Variants in CRTAC1 observed in about 807,000 individuals in gnomAD.
The protein encoded by CRTAC1 is cartilage acidic protein 1, also known as acidic secreted protein in cartilage.
CRTAC1 carries 37 observed loss-of-function variants against 67.8 expected under a neutral mutation model. The observed-to-expected ratio is 0.55, with a 90% CI of 0.42 to 0.72. CRTAC1 has a LOEUF of 0.72. Ranked by LOEUF, CRTAC1 falls within the 30% of genes least tolerant of loss-of-function variation. The probability of loss-of-function intolerance (pLI) is 0.00; values close to 1 mark genes in which losing one functional copy is unlikely to be tolerated. For synonymous variants in CRTAC1, 348 were observed against 371.0 expected, an observed-to-expected ratio of 0.94 and a Z score of 0.71; for missense variants, 780 against 931.6, an observed-to-expected ratio of 0.84 and a Z score of 2.12.
intron 1 of CRTAC1, among the ~76,000 whole-genome samples, chr10:98,023,441 C>T (rs1234583986): frequency 6.6e-6 from 1 of 152,204 alleles, no homozygotes; most frequent in Non-Finnish European, 1.5e-5. Context: ...CTCCACATGC[C>T]AAGTGCCATG....
chr10:97,998,421 G>C (rs972701555), intron 2 of CRTAC1, among the ~76,000 whole-genome samples: 5 of 152,150 alleles, frequency 3.3e-5, no homozygotes. Flanking sequence ...AACGATGAAA[G>C]AGAGAGACAA....
At chr10:97,885,655 C>T (rs1047448361) in intron 11 of CRTAC1, among the ~76,000 whole-genome samples, 4 of 152,108 alleles carry the variant, frequency 2.6e-5, no homozygotes, top group Admixed American at 6.5e-5. Context: ...GGGGAGGAGG[C>T]GGGGGCTGGG....
intron 2 of CRTAC1, among the ~76,000 whole-genome samples, chr10:97,944,069 G>T (rs1038321853): frequency 2.0e-5 from 3 of 152,226 alleles, no homozygotes; most frequent in Admixed American, 6.5e-5. Flanking sequence ...ATGTATGAAA[G>T]ATTTTAGGTC....
chr10:97,976,258 G>A (rs1345132439), intron 2 of CRTAC1, among the ~76,000 whole-genome samples: 1 of 152,198 alleles, frequency 6.6e-6, no homozygotes, highest in Admixed American at 6.5e-5. Context: ...TTAAAGTGAG[G>A]ATAATAAGAA....
intron 14 of CRTAC1, chr10:97,879,593 G>C (rs1233020369): frequency 6.8e-6 from 10 of 1,472,724 alleles, no homozygotes; most frequent in Non-Finnish European, 9.1e-6. Context: ...AACCTACTGG[G>C]CGTGGAGAGA....
chr10:97,911,576 G>C (rs1030043579), intron 5 of CRTAC1, among the ~76,000 whole-genome samples: 7 of 152,186 alleles, frequency 4.6e-5, no homozygotes, highest in Admixed American at 4.6e-4. Context: ...CTTTACAATG[G>C]GGGCCCAACG....
chr10:97,918,744 C>A (rs567328460), intron 4 of CRTAC1, among the ~76,000 whole-genome samples: 1 of 152,158 alleles, frequency 6.6e-6, no homozygotes, highest in South Asian at 2.1e-4. Context: ...ATTCTTGTTC[C>A]ACCTAACTGG....
chr10:97,976,529 T>C (rs530264257), intron 2 of CRTAC1, among the ~76,000 whole-genome samples: 8 of 152,342 alleles, frequency 5.3e-5, no homozygotes, highest in African/African-American at 1.9e-4. Flanking sequence ...AGCTAACACA[T>C]ACAAAGCACT....
chr10:97,967,681 C>G (rs1195027652), intron 2 of CRTAC1, among the ~76,000 whole-genome samples: 1 of 152,106 alleles, frequency 6.6e-6, no homozygotes, highest in East Asian at 1.9e-4. Flanking sequence ...TTAGGGGAGA[C>G]TGATTTTTAA....
At chr10:97,999,776 TC>T (rs1395931506) in intron 2 of CRTAC1, among the ~76,000 whole-genome samples, 1 of 152,106 alleles carries the variant, frequency 6.6e-6, no homozygotes, top group Admixed American at 6.5e-5. Context: ...CACTTCCTCC[TC>T]TCTGAGGCCC....
At chr10:98,015,121 A>G (rs926871193) in intron 1 of CRTAC1, among the ~76,000 whole-genome samples, 1 of 152,244 alleles carries the variant, frequency 6.6e-6, no homozygotes, top group Non-Finnish European at 1.5e-5. Context: ...AGCTTTAAAA[A>G]TGAAGGAATT....
chr10:98,019,811 C>G (rs918683417), intron 1 of CRTAC1, among the ~76,000 whole-genome samples: 1 of 152,188 alleles, frequency 6.6e-6, no homozygotes, highest in African/African-American at 2.4e-5. Context: ...GCCTGCCAGG[C>G]AGCTGCCTCT....
At position 98,030,540 on chromosome 10, in the gene CRTAC1, G is replaced by GCGCCGCCGC. The variant is rs1406678505; in HGVS notation, c.-77_-69dup. 12 of 1,125,796 alleles carry GCGCCGCCGC rather than the reference G, an allele frequency of 1.1e-5. No homozygotes were observed. The highest frequency in any genetic ancestry group is 1.4e-5 in the Non-Finnish European group (12 of 884,048). 69.7% of individuals were successfully genotyped at this position (1,125,796 alleles called of 1,614,324 possible). ...GCGCTCGCTGCCGCCTCTGCCGCCGGCGCCGCCGCCTGCTTGCTCCCAGCC... is the reference window on the plus strand; with the variant it reads ...GCGCTCGCTGCCGCCTCTGCCGCCGGCGCCGCCGCCGCCGCCGCCTGCTTGCTCCCAGCC... On this transcript the variant is annotated 5_prime_UTR_variant, in exon 1 of 15. Coordinates refer to ENST00000370597, the MANE Select transcript of CRTAC1 (RefSeq NM_018058.7). This position sits in a 1 kb window ranked among gnomAD's most constrained non-coding sequence, Gnocchi z 4.2.
rs1203406780 is a variant in CRTAC1 at position 97,960,188 on chromosome 10, C to T, written c.225-23822G>A. Among the ~76,000 whole-genome samples the T allele has an allele frequency of 9.2e-5, 14 of 152,358 alleles. 2 individuals are homozygous for T. Among genetic ancestry groups the T allele is most frequent in the Admixed American group, 5.2e-4 (8 of 15,304 alleles). Reference sequence around the variant, plus strand: ...TGCAAGCAGGTCTTTCTGGGGATAGCGGTCTCAGCCCTGGGGACAGCAGTC... The same window carrying T: ...TGCAAGCAGGTCTTTCTGGGGATAGTGGTCTCAGCCCTGGGGACAGCAGTC... On this transcript the variant is annotated intron_variant, in intron 2 of 14. Transcript: ENST00000370597.
chr10:97,881,162 T>C (rs553860457), intron 13 of CRTAC1, among the ~76,000 whole-genome samples: 110 of 152,266 alleles, frequency 7.2e-4, no homozygotes, highest in Middle Eastern at 6.8e-3. Flanking sequence ...ATCATGTCAC[T>C]CCCCAGTTTA....
intron 14 of CRTAC1, chr10:97,878,475 A>T (rs1360742594): frequency 1.6e-6 from 1 of 609,044 alleles, no homozygotes; most frequent in South Asian, 3.0e-5. Context: ...ATATGTTTTT[A>T]AAAGGGTTGC....
intron 2 of CRTAC1, among the ~76,000 whole-genome samples, chr10:97,998,315 T>C (rs1842624581): frequency 6.6e-6 from 1 of 152,110 alleles, no homozygotes; most frequent in African/African-American, 2.4e-5. Flanking sequence ...ATATTCAGAA[T>C]GATGACAGAC....
chr10:97,889,200 C>G (rs1345863526), intron 11 of CRTAC1, among the ~76,000 whole-genome samples: 1 of 151,668 alleles, frequency 6.6e-6, no homozygotes, highest in African/African-American at 2.4e-5. Context: ...CCCAGTGGAG[C>G]TGGCGGAGGC....
intron 14 of CRTAC1, among the ~76,000 whole-genome samples, chr10:97,873,634 G>C (rs1005917251): frequency 9.9e-5 from 15 of 152,164 alleles, no homozygotes; most frequent in Non-Finnish European, 1.9e-4. Context: ...TTGTGGGGAG[G>C]GTGCATTAAA....
Sources: allele counts gnomAD v4.1 joint callset (sites outside exome capture counted in the v4.1 genomes callset), GRCh38; gene constraint gnomAD v4.1.1; non-coding constraint Gnocchi (gnomAD v3.1); transcripts MANE v1.5; gene names NCBI Gene and HGNC (gene_info 2026-07-23, HGNC 2026-07-21).